MDC1: variants seen among roughly 807,000 people sequenced by gnomAD.
MDC1 encodes mediator of DNA damage checkpoint protein 1.
MDC1 carries 81 observed loss-of-function variants against 142.5 expected under a neutral mutation model. The ratio of observed to expected loss-of-function variants is 0.57; its 90% CI spans 0.47 to 0.68. The LOEUF (loss-of-function observed/expected upper bound fraction) is 0.68. MDC1 is among the 30% of genes least tolerant of loss of function. The pLI, the probability that MDC1 is intolerant of heterozygous loss-of-function variation, is 0.00. For missense variants in MDC1, 2,119 were observed against 2,547.9 expected (o/e 0.83, Z 3.62); for synonymous variants, 797 against 968.4 (o/e 0.82, Z 3.29).
chr6:30,714,007 T>C lies in MDC1; in HGVS notation c.313A>G (p.Lys105Glu). 1.2e-6 allele frequency: 2 copies of C among 1,612,556 alleles called. No individual in the cohort carries two copies. The highest frequency in any genetic ancestry group is 8.5e-7 in the Non-Finnish European group (1 of 1,179,906). ...LNGTQILRPP[K>E]VLSPGVSHRL... Reference sequence around the variant, plus strand: ...TGACTCACCCCAGGGCTCAAAACCTTAGGAGGTCTCAGGATTTGAGTACCA... The same window carrying C: ...TGACTCACCCCAGGGCTCAAAACCTCAGGAGGTCTCAGGATTTGAGTACCA... The change falls in exon 3 of 15, where the codon AAG becomes GAG. Residue 105 changes from lysine to glutamate, a missense_variant. Transcript: ENST00000376406.
rs1209740643 is a variant in MDC1 at position 30,705,647 on chromosome 6, G to A, written c.3536C>T (p.Thr1179Ile). The A allele has an allele frequency of 3.1e-6, 5 of 1,609,570 alleles. No homozygotes were observed. The South Asian group carries it at 4.4e-5, about 14-fold the overall frequency. ...QPSTSTDQPV[T>I]SEPTSQVTRG... The stretch of plus-strand genomic sequence containing the variant: ...AGTAACCTGAGATGTGGGCTCAGAG[G>A]TGACAGGCTGGTCTGTGGAGGTGGA... The change falls in exon 10 of 15, where the codon ACC becomes ATC. Residue 1179 changes from threonine (T) to isoleucine (I), a missense_variant. Transcript: ENST00000376406.
At position 30,712,464 on chromosome 6, in the gene MDC1, C is replaced by T; in HGVS notation, c.1478G>A (p.Gly493Glu). 1 of 1,613,034 alleles carries T rather than the reference C, an allele frequency of 6.2e-7. No homozygotes were observed. The highest frequency in any genetic ancestry group is 8.5e-7 in the Non-Finnish European group (1 of 1,180,016). The change falls in exon 5 of 15, where the codon GGG becomes GAG. Residue 493 changes from glycine (G) to glutamate (E), a missense_variant. Coordinates refer to ENST00000376406, the MANE Select transcript of MDC1 (RefSeq NM_014641.3). The surrounding 1 kb of genome is among the most constrained non-coding windows in gnomAD (Gnocchi z 4.7). ...TGCTTCCACACTGTCATCACTGTCC[C>T]CAAAAGGAGGTTGGTCCTTTTCTGA... ...AHSEKDQPPF[G>E]DSDDSVEADK...
At chr6:30,700,794 C>T (rs539772609) in intron 14 of MDC1, among the ~76,000 whole-genome samples, 162 bp from the exon 15 acceptor site, 11 of 151,274 alleles carry the variant, frequency 7.3e-5, no homozygotes, top group East Asian at 1.9e-4. Context: ...CTAGGCCGGG[C>T]GCAGTGGCTC....
rs1415845590 is a variant in MDC1 at position 30,712,599 on chromosome 6, G to C, written c.1343C>G (p.Thr448Ser). ...GTCTGTGTCACTGTCTCTCTCAGTG[G>C]TGGTTTGGCTTCGCTGCAGAAGGAC... ...RVVLLQRSQT[T>S]TERDSDTDVE... The change falls in exon 5 of 15, where the codon ACC becomes AGC. Residue 448 changes from threonine to serine, a missense_variant. Thr to Ser is a moderately conservative substitution (Grantham distance 58). Coordinates refer to ENST00000376406, the MANE Select transcript of MDC1 (RefSeq NM_014641.3). The surrounding 1 kb of genome is among the most constrained non-coding windows in gnomAD (Gnocchi z 4.7). The C allele has an allele frequency of 2.5e-6, 4 of 1,612,996 alleles. No individual in the cohort carries two copies. The highest frequency in any genetic ancestry group is 3.4e-6 in the Non-Finnish European group (4 of 1,179,994).
In MDC1 at chr6:30,705,856, A is replaced by G. The variant is rs1773704018; in HGVS notation, c.3327T>C (p.Thr1109=). ...EPFHPKPKIR[T]RKSSRMTPFP... ...AGGGTGTCATTCTGGAGGACTTCCG[A>G]GTTCTAATTTTAGGCTTTGGGTGGA... is the stretch of plus-strand genomic sequence containing the variant. The change falls in exon 10 of 15, where the codon ACT becomes ACC. Residue 1109 remains threonine, a synonymous_variant. Coordinates refer to ENST00000376406, the MANE Select transcript of MDC1 (RefSeq NM_014641.3). 3 of 1,610,720 alleles carry G rather than the reference A, an allele frequency of 1.9e-6. No homozygotes were observed. Among genetic ancestry groups the G allele is most frequent in the African/African-American group, 2.7e-5 (2 of 74,696 alleles).
chr6:30,704,153 T>G lies in MDC1; in HGVS notation c.5030A>C (p.Gln1677Pro). The G allele has an allele frequency of 1.2e-6, 2 of 1,613,722 alleles. No individual in the cohort carries two copies. Among genetic ancestry groups the G allele is most frequent in the Non-Finnish European group, 1.7e-6 (2 of 1,179,720 alleles). The part of the protein sequence containing the change: ...DQSVTPEAIA[Q>P]GGQSKTLRSS... ...CCTCAGTGTTTTGCTCTGACCACCC[T>G]GAGCTATGGCCTCAGGGGTGACGGA... is the stretch of plus-strand genomic sequence containing the variant. The change falls in exon 10 of 15, where the codon CAG becomes CCG. Residue 1677 changes from glutamine to proline, a missense_variant. Coordinates refer to ENST00000376406, the MANE Select transcript of MDC1 (RefSeq NM_014641.3).
At position 30,707,808 on chromosome 6, in the gene MDC1, G is replaced by C. The variant is rs760818903; in HGVS notation, c.2771C>G (p.Ala924Gly). Residue 924 changes from alanine to glycine, a missense_variant, in exon 8 of 15, where the codon GCA becomes GGA. Transcript: ENST00000376406. Reference protein sequence around the residue: ...AFEREVERPVANRECDPAELE... With the variant: ...AFEREVERPVGNRECDPAELE... ...CTCGGCTGGATCGCACTCTCTGTTT[G>C]CTACTGGTCTCTCTACTTCTCTCTC... 2 of 1,613,068 alleles carry C rather than the reference G, an allele frequency of 1.2e-6. No individual in the cohort carries two copies. Among genetic ancestry groups the C allele is most frequent in the Admixed American group, 3.3e-5 (2 of 60,014 alleles).
Position 30,702,746 on chromosome 6 carries a change from T to G in MDC1, c.5991+6A>C, listed in dbSNP as rs756232485. 4.3e-6 allele frequency: 7 copies of G among 1,612,978 alleles called. No homozygotes were observed. The highest frequency in any genetic ancestry group is 5.9e-6 in the Non-Finnish European group (7 of 1,180,030). ...CTGAAGCACAGGTTAAAAGATAGCC[T>G]CTCACCTCTAGCAGCCTTCGCTCCC... On this transcript the variant is annotated splice_donor_region_variant and intron_variant, in intron 13 of 14. Coordinates refer to ENST00000376406, the MANE Select transcript of MDC1 (RefSeq NM_014641.3).
In MDC1 at chr6:30,708,012, T is replaced by C. The variant is rs1774202206; in HGVS notation, c.2567A>G (p.Lys856Arg). 6.2e-7 allele frequency: 1 copy of C among 1,613,118 alleles called. No individual in the cohort carries two copies. The highest frequency in any genetic ancestry group is 8.5e-7 in the Non-Finnish European group (1 of 1,180,038). The part of the protein sequence containing the change: ...VTGEEELTKG[K>R]QDREQKQLLA... Reference sequence around the variant, plus strand: ...CAACTGTTTTTGTTCTCTGTCCTGTTTCCCCTTGGTTAATTCTTCCTCTCC... The same window carrying C: ...CAACTGTTTTTGTTCTCTGTCCTGTCTCCCCTTGGTTAATTCTTCCTCTCC... Residue 856 changes from lysine (K) to arginine (R), a missense_variant, in exon 8 of 15, where the codon AAA becomes AGA. Physicochemically the swap from Lys to Arg is conservative, Grantham distance 26. Coordinates refer to ENST00000376406, the MANE Select transcript of MDC1 (RefSeq NM_014641.3).
In MDC1 at chr6:30,702,787, C is replaced by A; in HGVS notation, c.5956G>T (p.Ala1986Ser). 13 of 1,613,126 alleles carry A rather than the reference C, an allele frequency of 8.1e-6. No individual in the cohort carries two copies. The highest frequency in any genetic ancestry group is 9.3e-6 in the Non-Finnish European group (11 of 1,180,040). Residue 1986 changes from alanine to serine, a missense_variant, in exon 13 of 15, where the codon GCA becomes TCA. Physicochemically the swap from Ala to Ser is moderately conservative, Grantham distance 99. Coordinates refer to ENST00000376406, the MANE Select transcript of MDC1 (RefSeq NM_014641.3). Reference sequence around the variant, plus strand: ...CTTCGCTCCCGAGCCCTGCTCAGTGCGTCTTGAAGGCTAAAGCCAAAGTTC... The same window carrying A: ...CTTCGCTCCCGAGCCCTGCTCAGTGAGTCTTGAAGGCTAAAGCCAAAGTTC... Reference protein sequence around the residue: ...EKNFGFSLQDALSRARERRLL... With the variant: ...EKNFGFSLQDSLSRARERRLL...
At chr6:30,714,223 C>G in intron 2 of MDC1, 40 bp from the exon 3 acceptor site, 1 of 1,565,642 alleles carries the variant, frequency 6.4e-7, no homozygotes, top group Non-Finnish European at 8.6e-7. Context: ...AGATCAGAGT[C>G]CTGGCCTGTC....
chr6:30,703,575 C>T lies in MDC1; in HGVS notation c.5563-38G>A. On this transcript the variant is annotated intron_variant, in intron 10 of 14. Coordinates refer to ENST00000376406, the MANE Select transcript of MDC1 (RefSeq NM_014641.3). The surrounding 1 kb of genome is among the most constrained non-coding windows in gnomAD (Gnocchi z 4.4). ...AAAATCTTGGTGGGAGTTTCAGAGC[C>T]CTGAAGTCATTTTTCCCAGCTTTGT... 1.2e-6 allele frequency: 2 copies of T among 1,612,552 alleles called. No individual in the cohort carries two copies. Among genetic ancestry groups the T allele is most frequent in the Non-Finnish European group, 1.7e-6 (2 of 1,179,764 alleles).
chr6:30,715,978 C>G lies in MDC1; in HGVS notation c.-3-800G>C, dbSNP rs940185120. On this transcript the variant is annotated intron_variant, in intron 1 of 14. Transcript: ENST00000376406. This position sits in a 1 kb window ranked among gnomAD's most constrained non-coding sequence, Gnocchi z 4.1. ...CTCCTCTAAAATCTTGATGGTTTTT[C>G]GTGCACACAGAATAAAATCTAAACT... Among the ~76,000 whole-genome samples, 1 of 152,120 alleles carries G rather than the reference C, an allele frequency of 6.6e-6. No homozygotes were observed. The highest frequency in any genetic ancestry group is 1.5e-5 in the Non-Finnish European group (1 of 68,016).
At position 30,712,197 on chromosome 6, in the gene MDC1, T is replaced by A. The variant is rs745503892; in HGVS notation, c.1745A>T (p.Glu582Val). The change falls in exon 5 of 15, where the codon GAG (glutamate) becomes GTG (valine). Residue 582 changes from glutamate (E) to valine (V), a missense_variant. By Grantham distance (121) the Glu-to-Val change is moderately radical. Coordinates refer to ENST00000376406, the MANE Select transcript of MDC1 (RefSeq NM_014641.3). The surrounding 1 kb of genome is among the most constrained non-coding windows in gnomAD (Gnocchi z 4.7). Reference sequence around the variant, plus strand: ...TGAGGCTGTTAGGGAGGTGCCCTCCTCTGCATCTGTTTCACAGTCCCCATG... The same window carrying A: ...TGAGGCTGTTAGGGAGGTGCCCTCCACTGCATCTGTTTCACAGTCCCCATG... The part of the protein sequence containing the change: ...PLHGDCETDA[E>V]EGTSLTASVV... 5 of 1,612,846 alleles carry A rather than the reference T, an allele frequency of 3.1e-6. No individual in the cohort carries two copies. The highest frequency in any genetic ancestry group is 4.2e-6 in the Non-Finnish European group (5 of 1,180,010).
At position 30,713,840 on chromosome 6, in the gene MDC1, C is replaced by T. The variant is rs145147669; in HGVS notation, c.480G>A (p.Gln160=). The change falls in exon 3 of 15, where the codon CAG becomes CAA. Residue 160 remains glutamine, a synonymous_variant. Transcript: ENST00000376406. The surrounding 1 kb of genome is among the most constrained non-coding windows in gnomAD (Gnocchi z 4.9). Reference sequence around the variant, plus strand: ...CCGAGTCCTCAGCCAACAGAAGCCTCTGGGGTTGAGTTTCTCCCTGTACTC... The same window carrying T: ...CCGAGTCCTCAGCCAACAGAAGCCTTTGGGGTTGAGTTTCTCCCTGTACTC... The part of the protein sequence containing the change: ...TPRVQGETQP[Q]RLLLAEDSEE... The T allele has an allele frequency of 1.0e-4, 169 of 1,614,180 alleles. No individual in the cohort carries two copies. The highest frequency in any genetic ancestry group is 1.4e-4 in the Non-Finnish European group (165 of 1,180,028).
Position 30,704,507 on chromosome 6 carries a change from C to A in MDC1, c.4676G>T (p.Arg1559Met), listed in dbSNP as rs1440674600. 4.3e-6 allele frequency: 7 copies of A among 1,610,088 alleles called. No individual in the cohort carries two copies. The highest frequency in any genetic ancestry group is 5.9e-6 in the Non-Finnish European group (7 of 1,178,764). ...GGTCTTGACAGAGGACCTATTTGTC[C>A]TGCCCCTAGTGGCCCGAGATGTGGG... ...PEPTSRATRGRTNRSSVKTPE... is the reference protein window; with the variant it reads ...PEPTSRATRGMTNRSSVKTPE... The change falls in exon 10 of 15, where the codon AGG becomes ATG. Residue 1559 changes from arginine (R) to methionine (M), a missense_variant. By Grantham distance (91) the Arg-to-Met change is moderately conservative. Coordinates refer to ENST00000376406, the MANE Select transcript of MDC1 (RefSeq NM_014641.3).
Position 30,713,894 on chromosome 6 carries a change from C to G in MDC1, c.426G>C (p.Arg142=), listed in dbSNP as rs1775286981. The change falls in exon 3 of 15, where the codon CGG becomes CGC. Residue 142 remains arginine (R), a synonymous_variant. Coordinates refer to ENST00000376406, the MANE Select transcript of MDC1 (RefSeq NM_014641.3). The surrounding 1 kb of genome is among the most constrained non-coding windows in gnomAD (Gnocchi z 4.9). ...GTGTCTCTTCTACTGTCAGAGGGCC[C>G]CGGGAGACAAAGGGCAGAGAGACAT... The part of the protein sequence containing the change: ...RLDVSLPFVS[R]GPLTVEETPR... The G allele has an allele frequency of 6.2e-7, 1 of 1,613,804 alleles. No individual in the cohort carries two copies. Among genetic ancestry groups the G allele is most frequent in the East Asian group, 2.2e-5 (1 of 44,888 alleles).
Position 30,703,601 on chromosome 6 carries a change from G to A in MDC1, c.5562+20C>T, listed in dbSNP as rs1445407346. ...CTGAAGTCATTTTTCCCAGCTTTGT[G>A]GTCCCAACCCTCTCCTCACCTCTTC... On this transcript the variant is annotated intron_variant, in intron 10 of 14. Transcript: ENST00000376406. The surrounding 1 kb of genome is among the most constrained non-coding windows in gnomAD (Gnocchi z 4.4). 1 of 1,611,822 alleles carries A rather than the reference G, an allele frequency of 6.2e-7. No homozygotes were observed. Among genetic ancestry groups the A allele is most frequent in the Middle Eastern group, 1.7e-4 (1 of 6,054 alleles).
Position 30,703,171 on chromosome 6 carries a change from C to T in MDC1, c.5798G>A (p.Arg1933Gln), listed in dbSNP as rs536243116. ...CAGGGCACACAGGAACTTGACTGTC[C>T]GGCGGATGCGATCAGTGACCAGGTG... ...ASHLVTDRIRRTVKFLCALGR... is the reference protein window; with the variant it reads ...ASHLVTDRIRQTVKFLCALGR... The change falls in exon 12 of 15, where the codon CGG becomes CAG. Residue 1933 changes from arginine (R) to glutamine (Q), a missense_variant. Transcript: ENST00000376406. This position sits in a 1 kb window ranked among gnomAD's most constrained non-coding sequence, Gnocchi z 4.4. 3.1e-6 allele frequency: 5 copies of T among 1,613,076 alleles called. No individual in the cohort carries two copies. Among genetic ancestry groups the T allele is most frequent in the Admixed American group, 1.7e-5 (1 of 60,002 alleles).
Sources: gnomAD v4.1 joint callset for allele counts (sites outside exome capture counted in the v4.1 genomes callset) on GRCh38, gnomAD v4.1.1 for gene constraint, Gnocchi (gnomAD v3.1) non-coding constraint, MANE v1.5 for transcripts, NCBI Gene and HGNC (gene_info 2026-07-23, HGNC 2026-07-21) for gene names.